Variants in MTMR7 observed in about 807,000 individuals in gnomAD.
The protein encoded by MTMR7 is phosphatidylinositol-3-phosphate phosphatase MTMR7.
In MTMR7, 76 loss-of-function variants were observed where a neutral mutation model predicts 81.2. The observed-to-expected ratio is 0.94, with a 90% confidence interval of 0.78 to 1.13. MTMR7 has a LOEUF of 1.13. MTMR7 is among the 50% of genes most tolerant of loss of function. The pLI, the probability that MTMR7 is intolerant of heterozygous loss-of-function variation, is 0.00. For synonymous variants in MTMR7, 372 were observed against 289.8 expected (o/e 1.28, Z -2.88); for missense variants, 1,044 against 820.0 (o/e 1.27, Z -3.34).
intron 1 of MTMR7, among the ~76,000 whole-genome samples, chr8:17,375,022 G>C (rs1044477940): frequency 2.0e-5 from 3 of 151,800 alleles, no homozygotes; most frequent in African/African-American, 7.2e-5. Flanking sequence ...CTGGAAGGCA[G>C]AGGTTGCAGT....
intron 7 of MTMR7, among the ~76,000 whole-genome samples, chr8:17,319,595 C>G (rs1227046984): frequency 6.6e-6 from 1 of 152,154 alleles, no homozygotes; most frequent in African/African-American, 2.4e-5. Context: ...ATACCAGGTA[C>G]CAGACACTAT....
intron 7 of MTMR7, among the ~76,000 whole-genome samples, chr8:17,319,216 G>T (rs1254781957): frequency 6.6e-6 from 1 of 152,158 alleles, no homozygotes; most frequent in African/African-American, 2.4e-5. Flanking sequence ...GGTAACCTGG[G>T]CTAGTTACTG....
chr8:17,303,870 C>A (rs1425731750), intron 12 of MTMR7, among the ~76,000 whole-genome samples: 2 of 152,138 alleles, frequency 1.3e-5, no homozygotes, highest in Non-Finnish European at 2.9e-5. Context: ...TCGGCTAATA[C>A]ATACAATCTT....
At chr8:17,323,999 C>A (rs73210279) in intron 7 of MTMR7, among the ~76,000 whole-genome samples, 358 of 152,302 alleles carry the variant, frequency 2.4e-3, no homozygotes, top group Non-Finnish European at 3.7e-3. Flanking sequence ...AATATAACTA[C>A]TATTCTCTCA....
chr8:17,328,715 T>G (rs1197148222), intron 7 of MTMR7, among the ~76,000 whole-genome samples: 1 of 152,120 alleles, frequency 6.6e-6, no homozygotes, highest in African/African-American at 2.4e-5. Context: ...AACTTAAAAA[T>G]TTTAAATAAA....
At chr8:17,347,833 G>A (rs906488289) in intron 5 of MTMR7, among the ~76,000 whole-genome samples, 2 of 121,796 alleles carry the variant, frequency 1.6e-5, no homozygotes, top group Admixed American at 1.5e-4. Context: ...ATGAAAGGGA[G>A]GTGTCACGTG....
intron 1 of MTMR7, among the ~76,000 whole-genome samples, chr8:17,385,659 T>C (rs893407938): frequency 4.6e-5 from 7 of 152,212 alleles, no homozygotes; most frequent in Non-Finnish European, 8.8e-5. Context: ...AATATAGTAC[T>C]GTCCTCACGA....
At chr8:17,342,970 C>G (rs541647702) in intron 5 of MTMR7, among the ~76,000 whole-genome samples, 24 of 152,104 alleles carry the variant, frequency 1.6e-4, no homozygotes, top group African/African-American at 5.8e-4. Flanking sequence ...AGAAGGCAAG[C>G]TATGTCCGAA....
chr8:17,316,349 A>T (rs945168740), intron 7 of MTMR7, among the ~76,000 whole-genome samples: 1 of 152,026 alleles, frequency 6.6e-6, no homozygotes, highest in Non-Finnish European at 1.5e-5. Context: ...TTATGTAAAT[A>T]AATTTCATTA....
chr8:17,381,035 A>G (rs1227277725), intron 1 of MTMR7, among the ~76,000 whole-genome samples: 3 of 152,176 alleles, frequency 2.0e-5, no homozygotes, highest in East Asian at 3.8e-4. Context: ...ATTCCATTCA[A>G]AAAGATGCCT....
At chr8:17,357,815 T>C (rs539276385) in intron 4 of MTMR7, among the ~76,000 whole-genome samples, 3 of 152,358 alleles carry the variant, frequency 2.0e-5, no homozygotes, top group South Asian at 4.1e-4. Flanking sequence ...TTCATTCTTA[T>C]ACAGCACATG....
intron 1 of MTMR7, among the ~76,000 whole-genome samples, chr8:17,410,918 G>A (rs1039239312): frequency 2.0e-5 from 3 of 152,050 alleles, no homozygotes; most frequent in African/African-American, 7.2e-5. Context: ...CAGTGGGCCA[G>A]AAAAACAAAC....
At chr8:17,383,795 G>A (rs185442887) in intron 1 of MTMR7, among the ~76,000 whole-genome samples, 2,082 of 135,902 alleles carry the variant, frequency 0.015, 58 homozygotes, top group African/African-American at 0.059. Flanking sequence ...CCCGGTGGTC[G>A]AGGGATTCTC....
At position 17,308,279 on chromosome 8, in the gene MTMR7, C is replaced by A. The variant is rs530081001; in HGVS notation, c.1151+998G>T. Among the ~76,000 whole-genome samples, 55 of 152,204 alleles carry A rather than the reference C, an allele frequency of 3.6e-4. No individual in the cohort carries two copies. The East Asian group carries it at 8.1e-3, about 22-fold the overall frequency. On this transcript the variant is annotated intron_variant, in intron 10 of 13. Transcript: ENST00000180173. Reference sequence around the variant, plus strand: ...ATTCTTTCTGTCATCTGTCTCCTATCTTGGAGATCCTAACTGCCTAGCGTG... The same window carrying A: ...ATTCTTTCTGTCATCTGTCTCCTATATTGGAGATCCTAACTGCCTAGCGTG...
intron 1 of MTMR7, among the ~76,000 whole-genome samples, chr8:17,389,279 C>G (rs1450506058): frequency 6.6e-6 from 1 of 152,204 alleles, no homozygotes; most frequent in Non-Finnish European, 1.5e-5. Context: ...TACTTCATTA[C>G]ACGCTATCTT....
chr8:17,357,491 G>C (rs1048529159), intron 4 of MTMR7, among the ~76,000 whole-genome samples: 1 of 152,154 alleles, frequency 6.6e-6, no homozygotes, highest in Non-Finnish European at 1.5e-5. Flanking sequence ...GTAAGTCCTT[G>C]CTCAACAATG....
In MTMR7 at chr8:17,319,699, C is replaced by T. The variant is rs1396673956; in HGVS notation, c.866-6298G>A. On this transcript the variant is annotated intron_variant, in intron 7 of 13. Coordinates refer to ENST00000180173, the MANE Select transcript of MTMR7 (RefSeq NM_004686.5). ...TCATTCTTGATTGTGGAAACCAATG[C>T]AAACAGAGGCTAAGTGCTTGTCCAG... 2.6e-4 allele frequency among the ~76,000 whole-genome samples: 39 copies of T among 152,164 alleles called. 1 individual carries two copies.
intron 5 of MTMR7, among the ~76,000 whole-genome samples, chr8:17,342,363 T>C (rs150364530): frequency 6.6e-6 from 1 of 152,156 alleles, no homozygotes; most frequent in Admixed American, 6.5e-5. Context: ...AAGTCCACAG[T>C]GTGAAAGAAT....
intron 4 of MTMR7, among the ~76,000 whole-genome samples, chr8:17,359,216 G>C (rs1357136609): frequency 2.0e-5 from 3 of 152,050 alleles, no homozygotes; most frequent in African/African-American, 7.2e-5. Flanking sequence ...TATTAATAAA[G>C]AAATACTTTA....
Sources: gnomAD v4.1 joint callset for allele counts (sites outside exome capture counted in the v4.1 genomes callset) on GRCh38, gnomAD v4.1.1 for gene constraint, MANE v1.5 for transcripts, NCBI Gene and HGNC (gene_info 2026-07-23, HGNC 2026-07-21) for gene names.